Variants in TSHZ2 observed in about 807,000 individuals in gnomAD.
TSHZ2 encodes teashirt zinc finger homeobox 2.
In TSHZ2, 21 loss-of-function variants were observed where a neutral mutation model predicts 74.4. The ratio of observed to expected loss-of-function variants is 0.28; its 90% CI spans 0.20 to 0.41. TSHZ2 has a LOEUF of 0.41. Among genes scored for constraint, TSHZ2 ranks in the 10% least tolerant of loss-of-function variants. The pLI is 1.00. For missense variants in TSHZ2, 1,244 were observed against 1,293.5 expected, an observed-to-expected ratio of 0.96 and a Z score of 0.59; for synonymous variants, 540 against 515.3, an observed-to-expected ratio of 1.05 and a Z score of -0.65.
At chr20:53,461,274 G>A (rs909495343) in intron 2 of TSHZ2, among the ~76,000 whole-genome samples, 70 of 152,380 alleles carry the variant, frequency 4.6e-4, no homozygotes, top group African/African-American at 1.3e-3. Context: ...TCAGAAAAGC[G>A]CTGTATTCGG....
intron 2 of TSHZ2, among the ~76,000 whole-genome samples, chr20:53,335,998 G>T (rs1251113136): frequency 6.6e-6 from 1 of 152,146 alleles, no homozygotes; most frequent in African/African-American, 2.4e-5. Flanking sequence ...ATTTTCATCA[G>T]TTTTTTAAAA....
At chr20:53,379,190 T>C (rs1317019423) in intron 2 of TSHZ2, among the ~76,000 whole-genome samples, 1 of 152,132 alleles carries the variant, frequency 6.6e-6, no homozygotes, top group East Asian at 1.9e-4. Flanking sequence ...GAGACAAGCC[T>C]CAGCAACAGG....
intron 1 of TSHZ2, among the ~76,000 whole-genome samples, chr20:53,040,345 G>A (rs1324984337): frequency 1.3e-5 from 2 of 152,116 alleles, no homozygotes; most frequent in East Asian, 1.9e-4. Context: ...TGGTGTGGAG[G>A]GAGGAGGGCT....
At position 53,491,924 on chromosome 20, in the gene TSHZ2, AAGAC is replaced by A. The variant is rs1461133719; in HGVS notation, c.*4793_*4796del. The A allele has an allele frequency of 6.6e-6, 1 of 152,222 alleles. No homozygotes were observed. Among genetic ancestry groups the A allele is most frequent in the African/African-American group, 2.4e-5 (1 of 41,462 alleles). The allele number at this position is 152,222 out of a possible 1,614,324, so 9.4% of individuals were successfully genotyped here. A position where few individuals can be genotyped will look rare whatever the true frequency, so the allele number is the denominator to read the frequency against. On this transcript the variant is annotated 3_prime_UTR_variant, in exon 3 of 3. Transcript: ENST00000371497. ...TTTTAAAATACAGGCTGTTTGAAAA[AAGAC>A]AGATTAAATATTCACAGCCTTTGTA...
chr20:53,091,558 A>T (rs557003568), intron 1 of TSHZ2, among the ~76,000 whole-genome samples: 16 of 152,358 alleles, frequency 1.1e-4, no homozygotes, highest in South Asian at 2.1e-4. Flanking sequence ...TGTATTTTAT[A>T]TGCAAAGCCA....
At chr20:53,000,357 C>G (rs1241060254) in intron 1 of TSHZ2, among the ~76,000 whole-genome samples, 1 of 152,142 alleles carries the variant, frequency 6.6e-6, no homozygotes, top group Non-Finnish European at 1.5e-5. Context: ...TTGCTGGCTT[C>G]TGCCCTAGTG....
intron 2 of TSHZ2, among the ~76,000 whole-genome samples, chr20:53,408,821 G>T (rs1982940860): frequency 6.6e-6 from 1 of 152,172 alleles, no homozygotes. Context: ...CATCCTAGCT[G>T]GCTGATGTCT....
At chr20:53,313,624 A>G (rs1187897681) in intron 2 of TSHZ2, among the ~76,000 whole-genome samples, 1 of 152,222 alleles carries the variant, frequency 6.6e-6, no homozygotes, top group Admixed American at 6.5e-5. Flanking sequence ...TCTATGGAAT[A>G]GGAAGGTAAA....
chr20:53,446,345 A>G (rs1003081634), intron 2 of TSHZ2, among the ~76,000 whole-genome samples: 2 of 151,170 alleles, frequency 1.3e-5, no homozygotes, highest in African/African-American at 4.9e-5. Flanking sequence ...GGGCAGATCA[A>G]GAGGTCAGGA....
Position 53,294,347 on chromosome 20 carries a change from CT to C in TSHZ2, c.*8+37778del, listed in dbSNP as rs755831531. ...ATTCCATTAGGTAAAGTCCTAATGT[CT>C]TATGCCTCAAATGTTTTAATCTTAA... On this transcript the variant is annotated intron_variant, in intron 2 of 2. Coordinates refer to ENST00000371497, the MANE Select transcript of TSHZ2 (RefSeq NM_173485.6). 7.9e-5 allele frequency among the ~76,000 whole-genome samples: 12 copies of C among 152,132 alleles called. No homozygotes were observed. In the South Asian group the frequency reaches 8.3e-4, roughly 11 times the overall value.
intron 2 of TSHZ2, among the ~76,000 whole-genome samples, chr20:53,372,418 A>G (rs1419480780): frequency 6.6e-6 from 1 of 152,148 alleles, no homozygotes; most frequent in African/African-American, 2.4e-5. Flanking sequence ...CAGAGGTTGC[A>G]GTGATCGGAG....
chr20:53,299,037 A>G (rs1347482062), intron 2 of TSHZ2, among the ~76,000 whole-genome samples: 1 of 152,194 alleles, frequency 6.6e-6, no homozygotes, highest in Non-Finnish European at 1.5e-5. Context: ...CCCAAGAGTC[A>G]GTAGTGACAT....
chr20:53,095,506 A>C (rs1748051871), intron 1 of TSHZ2, among the ~76,000 whole-genome samples: 1 of 152,174 alleles, frequency 6.6e-6, no homozygotes. Flanking sequence ...AGATGATAAG[A>C]TATTATTAGA....
chr20:53,182,763 A>C (rs1429256146), intron 1 of TSHZ2, among the ~76,000 whole-genome samples: 3 of 152,110 alleles, frequency 2.0e-5, no homozygotes, highest in Non-Finnish European at 4.4e-5. Flanking sequence ...AGTGTCTCTC[A>C]TCTTTTCCTC....
At chr20:53,430,208 G>T (rs1377700396) in intron 2 of TSHZ2, among the ~76,000 whole-genome samples, 2 of 152,040 alleles carry the variant, frequency 1.3e-5, no homozygotes, top group African/African-American at 2.4e-5. Flanking sequence ...GGGTTGAAGC[G>T]ATTCTCCTGC....
At chr20:53,332,492 A>G (rs1369161954) in intron 2 of TSHZ2, among the ~76,000 whole-genome samples, 2 of 152,152 alleles carry the variant, frequency 1.3e-5, no homozygotes, top group East Asian at 1.9e-4. Context: ...GAATTCACAC[A>G]TGATCCTGTG....
At chr20:53,318,008 A>G (rs939603117) in intron 2 of TSHZ2, among the ~76,000 whole-genome samples, 3 of 152,226 alleles carry the variant, frequency 2.0e-5, no homozygotes, top group Non-Finnish European at 4.4e-5. Flanking sequence ...TGGTCATTCT[A>G]AGAGCACAAG....
chr20:53,148,189 C>T (rs1477859070), intron 1 of TSHZ2, among the ~76,000 whole-genome samples: 1 of 152,196 alleles, frequency 6.6e-6, no homozygotes, highest in Non-Finnish European at 1.5e-5. Context: ...TTCAATTGAT[C>T]ACATGAATGT....
intron 1 of TSHZ2, among the ~76,000 whole-genome samples, chr20:53,205,295 C>T (rs1045702570): frequency 6.6e-6 from 1 of 152,174 alleles, no homozygotes; most frequent in Non-Finnish European, 1.5e-5. Flanking sequence ...CTTAAAATAG[C>T]ATGCATTTCA....
Sources: gnomAD v4.1 joint callset for allele counts (sites outside exome capture counted in the v4.1 genomes callset) on GRCh38, gnomAD v4.1.1 for gene constraint, MANE v1.5 for transcripts, NCBI Gene and HGNC (gene_info 2026-07-23, HGNC 2026-07-21) for gene names.